ULK4: variants seen among roughly 807,000 people sequenced by gnomAD.
The protein encoded by ULK4 is inactive serine/threonine-protein kinase ULK4.
A neutral mutation model predicts 160.6 loss-of-function variants in ULK4; 133 were observed. That is an observed-to-expected ratio of 0.83 (90% confidence interval 0.72 to 0.96). The LOEUF (loss-of-function observed/expected upper bound fraction) is 0.96. Ranked by LOEUF, ULK4 falls within the 40% of genes least tolerant of loss-of-function variation. The pLI is 0.00. For synonymous variants in ULK4, 534 were observed against 539.8 expected (o/e 0.99, Z 0.15); for missense variants, 1,580 against 1,499.5 (o/e 1.05, Z -0.89).
chr3:41,619,102 CAA>C (rs2033120156), intron 30 of ULK4, among the ~76,000 whole-genome samples: 1 of 151,874 alleles, frequency 6.6e-6, no homozygotes, highest in Non-Finnish European at 1.5e-5. Context: ...TATATGCACC[CAA>C]TACAGGAGGA....
At chr3:41,463,457 TTG>T (rs2083744963) in intron 32 of ULK4, among the ~76,000 whole-genome samples, 1 of 152,182 alleles carries the variant, frequency 6.6e-6, no homozygotes, top group East Asian at 1.9e-4. Flanking sequence ...AGGAAAATAC[TTG>T]TTAAAGAAGT....
chr3:41,799,483 C>A (rs965270562), intron 20 of ULK4, among the ~76,000 whole-genome samples: 3 of 152,158 alleles, frequency 2.0e-5, no homozygotes, highest in South Asian at 2.1e-4. Context: ...GGGATGCTAA[C>A]AGGGAAAAGT....
chr3:41,929,716 T>A (rs533708594), intron 5 of ULK4, among the ~76,000 whole-genome samples: 1 of 151,864 alleles, frequency 6.6e-6, no homozygotes, highest in Non-Finnish European at 1.5e-5. Context: ...AGAGCCAAAT[T>A]ATGAGTGAAC....
At chr3:41,520,061 A>G (rs1261514533) in intron 32 of ULK4, among the ~76,000 whole-genome samples, 1 of 152,212 alleles carries the variant, frequency 6.6e-6, no homozygotes, top group African/African-American at 2.4e-5. Flanking sequence ...AAATACACAT[A>G]CCATAAAAAT....
chr3:41,884,599 T>C (rs1408769703), intron 16 of ULK4, among the ~76,000 whole-genome samples: 3 of 152,166 alleles, frequency 2.0e-5, no homozygotes, highest in Non-Finnish European at 4.4e-5. Flanking sequence ...AAATGGTGAG[T>C]TGATGAAAAC....
At chr3:41,754,524 A>T in intron 21 of ULK4, 36 bp from the exon 22 acceptor site, 1 of 1,597,654 alleles carries the variant, frequency 6.3e-7, no homozygotes, top group Non-Finnish European at 8.5e-7. Flanking sequence ...TTGAGAGAAC[A>T]TAAAAAAATA....
intron 32 of ULK4, among the ~76,000 whole-genome samples, chr3:41,548,393 C>T (rs2125962036): frequency 6.6e-6 from 1 of 152,162 alleles, no homozygotes; most frequent in East Asian, 1.9e-4. Flanking sequence ...CTCCACCTAT[C>T]ACCCTGAGCA....
chr3:41,311,114 C>A lies in ULK4; in HGVS notation c.3679-61540G>T, dbSNP rs141741198. Among the ~76,000 whole-genome samples, 26 of 152,246 alleles carry A rather than the reference C, an allele frequency of 1.7e-4. No individual in the cohort carries two copies. In the East Asian group the frequency reaches 4.1e-3, roughly 24 times the overall value. On this transcript the variant is annotated intron_variant, in intron 35 of 36. Coordinates refer to ENST00000301831, the MANE Select transcript of ULK4 (RefSeq NM_017886.4). ...GACAACTTGGCTGACCCATAGTACT[C>A]AGGTATTTTGCCAAACGTTATTCTA...
chr3:41,536,916 C>A (rs1311171848), intron 32 of ULK4, among the ~76,000 whole-genome samples: 5 of 152,116 alleles, frequency 3.3e-5, no homozygotes, highest in Admixed American at 2.0e-4. Flanking sequence ...ATCCTTCTTC[C>A]ACCATTTGCT....
rs368495438 is a variant in ULK4 at position 41,554,321 on chromosome 3, G to C, written c.3226+11704C>G. On this transcript the variant is annotated intron_variant, in intron 32 of 36. Transcript: ENST00000301831. ...TAGATATCATATTCAGTCTACAGAT[G>C]AATGGATAAAGATAACGTAATATCT... Among the ~76,000 whole-genome samples, 10 of 152,212 alleles carry C rather than the reference G, an allele frequency of 6.6e-5. No individual in the cohort carries two copies. In the East Asian group the frequency reaches 1.3e-3, roughly 21 times the overall value.
At chr3:41,739,721 T>C (rs2038178950) in intron 22 of ULK4, among the ~76,000 whole-genome samples, 1 of 151,890 alleles carries the variant, frequency 6.6e-6, no homozygotes, top group Non-Finnish European at 1.5e-5. Context: ...GACATGTTTC[T>C]CCAAATGTCA....
In ULK4 at chr3:41,317,063, A is replaced by ATTTTTTTTTTTTTTTTTTTTTTTTTTTT. The variant is rs1164870603; in HGVS notation, c.3679-67490_3679-67489insAAAAAAAAAAAAAAAAAAAAAAAAAAAA. Among the ~76,000 whole-genome samples the ATTTTTTTTTTTTTTTTTTTTTTTTTTTT allele has an allele frequency of 6.3e-5, 6 of 94,522 alleles. 1 individual carries two copies. Among genetic ancestry groups the ATTTTTTTTTTTTTTTTTTTTTTTTTTTT allele is most frequent in the African/African-American group, 2.6e-4 (6 of 23,330 alleles). The allele number at this position is 94,522 out of a possible 152,430, so 62.0% of individuals were successfully genotyped here. On this transcript the variant is annotated intron_variant, in intron 35 of 36. Coordinates refer to ENST00000301831, the MANE Select transcript of ULK4 (RefSeq NM_017886.4). ...TGATGTAAAATAGGCAATTACATCT[A>ATTTTTTTTTTTTTTTTTTTTTTTTTTTT]TTTTTTTTTTTTTTTTTTTTTTTGA... is the stretch of plus-strand genomic sequence containing the variant.
chr3:41,870,161 T>C (rs1053881920), intron 17 of ULK4, among the ~76,000 whole-genome samples: 2 of 152,246 alleles, frequency 1.3e-5, no homozygotes, highest in African/African-American at 4.8e-5. Context: ...TTCAGCAGTT[T>C]GACCATGATG....
At chr3:41,653,624 A>T (rs2034827900) in intron 30 of ULK4, among the ~76,000 whole-genome samples, 1 of 152,238 alleles carries the variant, frequency 6.6e-6, no homozygotes, top group Non-Finnish European at 1.5e-5. Context: ...CCTTTAAAGC[A>T]AGAATCAGCA....
intron 35 of ULK4, among the ~76,000 whole-genome samples, chr3:41,269,027 CCTGA>C (rs1413850658): frequency 1.3e-5 from 2 of 152,034 alleles, no homozygotes; most frequent in Non-Finnish European, 2.9e-5. Flanking sequence ...GACTGTATAG[CCTGA>C]CTAACTGGCA....
chr3:41,947,691 T>A lies in ULK4; in HGVS notation c.138+6931A>T, dbSNP rs534170786. 3.8e-4 allele frequency among the ~76,000 whole-genome samples: 58 copies of A among 152,270 alleles called. 1 individual carries two copies. In the Middle Eastern group the frequency reaches 0.01, roughly 27 times the overall value. ...CTTCTGCAAAGGAAAAGAGTAGAAA[T>A]GCTTCTGCAAGGTATGGGACACAGG... On this transcript the variant is annotated intron_variant, in intron 2 of 36. Coordinates refer to ENST00000301831, the MANE Select transcript of ULK4 (RefSeq NM_017886.4).
intron 35 of ULK4, among the ~76,000 whole-genome samples, chr3:41,385,734 G>GTGTA (rs1163696486): frequency 6.6e-6 from 1 of 152,180 alleles, no homozygotes; most frequent in African/African-American, 2.4e-5. Flanking sequence ...GGATCATGAT[G>GTGTA]TGTAGTTGGA....
chr3:41,929,590 C>T (rs753749324), intron 5 of ULK4, among the ~76,000 whole-genome samples: 4 of 152,140 alleles, frequency 2.6e-5, no homozygotes, highest in African/African-American at 9.7e-5. Flanking sequence ...TAGAAAACCC[C>T]ATCGTCTCAG....
intron 25 of ULK4, among the ~76,000 whole-genome samples, chr3:41,714,852 T>TAAAGAAAAAAAAA (rs2037211558): frequency 7.6e-6 from 1 of 131,358 alleles, no homozygotes; most frequent in African/African-American, 3.3e-5. Context: ...ACTCTGTCTT[T>TAAAGAAAAAAAAA]AAAAAAAAAA....
Sources: gnomAD v4.1 joint callset for allele counts (sites outside exome capture counted in the v4.1 genomes callset) on GRCh38, gnomAD v4.1.1 for gene constraint, MANE v1.5 for transcripts, NCBI Gene and HGNC (gene_info 2026-07-23, HGNC 2026-07-21) for gene names.